FBXO8: variants seen among roughly 807,000 people sequenced by gnomAD.
FBXO8 encodes F-box protein 8.
In FBXO8, 15 loss-of-function variants were observed where a neutral mutation model predicts 33.4. The observed-to-expected ratio is 0.45, with a 90% CI of 0.30 to 0.69. The LOEUF (loss-of-function observed/expected upper bound fraction) is 0.69. Ranked by LOEUF, FBXO8 falls within the 30% of genes least tolerant of loss-of-function variation. The pLI is 0.08. For missense variants in FBXO8, 274 were observed against 380.3 expected, an observed-to-expected ratio of 0.72 and a Z score of 2.32; for synonymous variants, 132 against 131.5, an observed-to-expected ratio of 1.00 and a Z score of -0.02.
intron 1 of FBXO8, among the ~76,000 whole-genome samples, chr4:174,280,108 A>G (rs1737045095): frequency 6.6e-6 from 1 of 152,174 alleles, no homozygotes; most frequent in Non-Finnish European, 1.5e-5. Flanking sequence ...ATAAAATCTA[A>G]TATCTATAAT....
chr4:174,264,289 A>C (rs1485726308), intron 1 of FBXO8, among the ~76,000 whole-genome samples: 1 of 152,174 alleles, frequency 6.6e-6, no homozygotes, highest in African/African-American at 2.4e-5. Context: ...CAGTGACTAG[A>C]TATCTTTTAA....
Position 174,241,136 on chromosome 4 carries a change from A to G in FBXO8, c.539T>C (p.Leu180Pro). 6.2e-7 allele frequency: 1 copy of G among 1,607,836 alleles called. No homozygotes were observed. Among genetic ancestry groups the G allele is most frequent in the Non-Finnish European group, 8.5e-7 (1 of 1,176,146 alleles). The stretch of plus-strand genomic sequence containing the variant: ...ATAGATTCTCAGTTTTTTCCAATTT[A>G]GTGTTCTTGTACAGAAGATAAACTT... ...IAKFIFCTRTLNWKKLRIYLD... is the reference protein window; with the variant it reads ...IAKFIFCTRTPNWKKLRIYLD... Residue 180 changes from leucine to proline, a missense_variant, in exon 4 of 6, where the codon CTA becomes CCA. By Grantham distance (98) the Leu-to-Pro change is moderately conservative. Coordinates refer to ENST00000393674, the MANE Select transcript of FBXO8 (RefSeq NM_012180.3). This position sits in a 1 kb window ranked among gnomAD's most constrained non-coding sequence, Gnocchi z 4.2.
chr4:174,259,791 A>T lies in FBXO8; in HGVS notation c.364T>A (p.Tyr122Asn). ...AATCCTAAAGGTGGGTTCTTATTGT[A>T]TATGGAACAGTGACCCCAAGTGGAT... ...CKSTWGHCSI[Y>N]NKNPPLGFSF... Residue 122 changes from tyrosine to asparagine, a missense_variant, in exon 3 of 6, where the codon TAC becomes AAC. Physicochemically the swap from Tyr to Asn is moderately radical, Grantham distance 143. This residue lies in a region of FBXO8 where 186 missense variants were observed against 293.4 expected (regional missense o/e 0.63). Transcript: ENST00000393674. The surrounding 1 kb of genome is among the most constrained non-coding windows in gnomAD (Gnocchi z 4.3). 2.5e-6 allele frequency: 4 copies of T among 1,608,844 alleles called. No homozygotes were observed. The highest frequency in any genetic ancestry group is 3.4e-6 in the Non-Finnish European group (4 of 1,178,164).
chr4:174,280,540 G>T (rs1341983759), intron 1 of FBXO8, among the ~76,000 whole-genome samples: 1 of 152,168 alleles, frequency 6.6e-6, no homozygotes, highest in Non-Finnish European at 1.5e-5. Context: ...GTTCACCCAT[G>T]TTCATAGCAG....
At position 174,256,502 on chromosome 4, in the gene FBXO8, A is replaced by G. The variant is rs1189459424; in HGVS notation, c.456+3197T>C. On this transcript the variant is annotated intron_variant, in intron 3 of 5. Transcript: ENST00000393674. This position sits in a 1 kb window ranked among gnomAD's most constrained non-coding sequence, Gnocchi z 4.6. ...TGACTCATACAGATAAGTGCTATAT[A>G]AGAACATTTATTAGGATGGATCTTT... is the stretch of plus-strand genomic sequence containing the variant. 6.6e-6 allele frequency among the ~76,000 whole-genome samples: 1 copy of G among 152,192 alleles called. No individual in the cohort carries two copies. Among genetic ancestry groups the G allele is most frequent in the Non-Finnish European group, 1.5e-5 (1 of 68,036 alleles).
chr4:174,238,713 G>T (rs747038161), intron 5 of FBXO8, among the ~76,000 whole-genome samples: 1 of 147,140 alleles, frequency 6.8e-6, no homozygotes, highest in Non-Finnish European at 1.5e-5. Flanking sequence ...ATATAAATTT[G>T]TAGGTAATAT....
chr4:174,244,617 A>C (rs1736117005), intron 3 of FBXO8, among the ~76,000 whole-genome samples: 1 of 151,724 alleles, frequency 6.6e-6, no homozygotes, highest in Admixed American at 6.6e-5. Flanking sequence ...TTTGTCAGAT[A>C]ACTCTGAGAT....
In FBXO8 at chr4:174,281,045, C is replaced by T. The variant is rs1331581342; in HGVS notation, c.-9+2365G>A. ...TAAATTTTATGTTACGTATATTTTA[C>T]TACAATTTAAAAATTGGAAGAAACA... is the stretch of plus-strand genomic sequence containing the variant. On this transcript the variant is annotated intron_variant, in intron 1 of 5. Coordinates refer to ENST00000393674, the MANE Select transcript of FBXO8 (RefSeq NM_012180.3). This position sits in a 1 kb window ranked among gnomAD's most constrained non-coding sequence, Gnocchi z 4.6. Among the ~76,000 whole-genome samples the T allele has an allele frequency of 1.3e-5, 2 of 151,860 alleles. No homozygotes were observed. The highest frequency in any genetic ancestry group is 2.9e-5 in the Non-Finnish European group (2 of 67,978).
At chr4:174,268,946 C>CTCCT (rs1212913239) in intron 1 of FBXO8, 1 of 152,224 alleles carries the variant, frequency 6.6e-6, no homozygotes, top group African/African-American at 2.4e-5. Flanking sequence ...ACCAGGCGTA[C>CTCCT]TCCTTTGGGA....
chr4:174,243,912 G>T (rs890705033), intron 3 of FBXO8, among the ~76,000 whole-genome samples: 15 of 151,384 alleles, frequency 9.9e-5, no homozygotes, highest in Admixed American at 8.6e-4. Context: ...ATTTTATAAG[G>T]CATACTGACA....
chr4:174,264,183 G>A (rs778726414), intron 1 of FBXO8, among the ~76,000 whole-genome samples: 2 of 151,916 alleles, frequency 1.3e-5, no homozygotes, highest in Non-Finnish European at 2.9e-5. Context: ...AGCATGACCC[G>A]AACTTAAAAT....
rs151002314 is a variant in FBXO8 at position 174,278,401 on chromosome 4, A to G, written c.-9+5009T>C. ...GTTTTTTTCCTGTTAATTTTATTCT[A>G]TAAAAAGTGTTACCAAAATGGCAAC... On this transcript the variant is annotated intron_variant, in intron 1 of 5. Coordinates refer to ENST00000393674, the MANE Select transcript of FBXO8 (RefSeq NM_012180.3). This position sits in a 1 kb window ranked among gnomAD's most constrained non-coding sequence, Gnocchi z 4.1. Among the ~76,000 whole-genome samples the G allele has an allele frequency of 7.2e-4, 109 of 152,198 alleles. 4 individuals are homozygous for G. The East Asian group carries it at 0.02, about 27-fold the overall frequency.
At chr4:174,242,013 C>CATTCAATAACCTGTG (rs1736052052) in intron 3 of FBXO8, among the ~76,000 whole-genome samples, 1 of 151,516 alleles carries the variant, frequency 6.6e-6, no homozygotes, top group Non-Finnish European at 1.5e-5. Context: ...CTCACATATA[C>CATTCAATAACCTGTG]AGAGGTTACA....
At chr4:174,271,899 G>A (rs772276022) in intron 1 of FBXO8, among the ~76,000 whole-genome samples, 2 of 151,910 alleles carry the variant, frequency 1.3e-5, no homozygotes, top group Non-Finnish European at 2.9e-5. Flanking sequence ...TGTATTTGGG[G>A]GATTTACCTA....
At position 174,277,290 on chromosome 4, in the gene FBXO8, GT is replaced by G. The variant is rs1669830909; in HGVS notation, c.-9+6119del. On this transcript the variant is annotated intron_variant, in intron 1 of 5. Coordinates refer to ENST00000393674, the MANE Select transcript of FBXO8 (RefSeq NM_012180.3). The surrounding 1 kb of genome is among the most constrained non-coding windows in gnomAD (Gnocchi z 4.9). Reference sequence around the variant, plus strand: ...ATTTCTTAAAAAGACTAAAATACAAGTTTTATTAATATTTTGTATCTAATAC... The same window carrying G: ...ATTTCTTAAAAAGACTAAAATACAAGTTTATTAATATTTTGTATCTAATAC... Among the ~76,000 whole-genome samples the G allele has an allele frequency of 2.0e-5, 3 of 152,040 alleles. No homozygotes were observed. Among genetic ancestry groups the G allele is most frequent in the African/African-American group, 7.2e-5 (3 of 41,410 alleles).
At position 174,269,633 on chromosome 4, in the gene FBXO8, C is replaced by T. The variant is rs563874326; in HGVS notation, c.-8-6533G>A. Among the ~76,000 whole-genome samples the T allele has an allele frequency of 1.9e-4, 28 of 147,474 alleles. No individual in the cohort carries two copies. The South Asian group carries it at 4.9e-3, about 26-fold the overall frequency. On this transcript the variant is annotated intron_variant, in intron 1 of 5. Transcript: ENST00000393674. Reference sequence around the variant, plus strand: ...CCGGGAGGCAGAGGTTGCACCGAGCCGAGAATGTGGCACTCCAGCCTGGGC... The same window carrying T: ...CCGGGAGGCAGAGGTTGCACCGAGCTGAGAATGTGGCACTCCAGCCTGGGC...
rs1365312654 is a variant in FBXO8 at position 174,251,999 on chromosome 4, T to C, written c.456+7700A>G. Among the ~76,000 whole-genome samples the C allele has an allele frequency of 6.6e-6, 1 of 152,166 alleles. No individual in the cohort carries two copies. The highest frequency in any genetic ancestry group is 1.5e-5 in the Non-Finnish European group (1 of 68,020). ...AATGTTTATTTATGAAACAGGGTCT[T>C]GCTTTGTCACTCAGGCTGGAGTGCA... is the stretch of plus-strand genomic sequence containing the variant. On this transcript the variant is annotated intron_variant, in intron 3 of 5. Coordinates refer to ENST00000393674, the MANE Select transcript of FBXO8 (RefSeq NM_012180.3). The surrounding 1 kb of genome is among the most constrained non-coding windows in gnomAD (Gnocchi z 4.2).
At position 174,247,696 on chromosome 4, in the gene FBXO8, A is replaced by G. The variant is rs1406161880; in HGVS notation, c.457-6478T>C. Among the ~76,000 whole-genome samples the G allele has an allele frequency of 1.3e-5, 2 of 152,116 alleles. No homozygotes were observed. Among genetic ancestry groups the G allele is most frequent in the Non-Finnish European group, 1.5e-5 (1 of 67,996 alleles). The stretch of plus-strand genomic sequence containing the variant: ...ACTTAAACTGAAATGTAACATTTTC[A>G]AACTGAAGATAATGTAAAAATTAAG... On this transcript the variant is annotated intron_variant, in intron 3 of 5. Transcript: ENST00000393674. The surrounding 1 kb of genome is among the most constrained non-coding windows in gnomAD (Gnocchi z 4.6).
intron 3 of FBXO8, among the ~76,000 whole-genome samples, chr4:174,246,775 C>T (rs145822605): frequency 6.6e-6 from 1 of 151,908 alleles, no homozygotes; most frequent in East Asian, 1.9e-4. Context: ...TGGGGGACAG[C>T]ACAGTAGCAC....
Sources: gnomAD v4.1 joint callset for allele counts (sites outside exome capture counted in the v4.1 genomes callset) on GRCh38, gnomAD v4.1.1 for gene constraint, gnomAD v4.1.1 regional missense constraint, Gnocchi (gnomAD v3.1) non-coding constraint, MANE v1.5 for transcripts, NCBI Gene and HGNC (gene_info 2026-07-23, HGNC 2026-07-21) for gene names.